The following FAM169A variants were observed in gnomAD, a reference collection of about 807,000 sequenced individuals.
FAM169A encodes the protein soluble lamin-associated protein of 75 kDa.
A neutral mutation model predicts 75.7 loss-of-function variants in FAM169A; 24 were observed. The observed-to-expected ratio is 0.32, with a 90% confidence interval of 0.23 to 0.45. The LOEUF (loss-of-function observed/expected upper bound fraction) is 0.45, where lower values mean the gene tolerates loss of function less well. Ranked by LOEUF, FAM169A falls within the 20% of genes least tolerant of loss-of-function variation. FAM169A has a pLI of 1.00. For missense variants in FAM169A, 673 were observed against 784.0 expected, an observed-to-expected ratio of 0.86 and a Z score of 1.69; for synonymous variants, 271 against 271.0, an observed-to-expected ratio of 1.00 and a Z score of 0.00.
chr5:74,839,849 A>G (rs1188877915), intron 3 of FAM169A, among the ~76,000 whole-genome samples: 1 of 152,062 alleles, frequency 6.6e-6, no homozygotes, highest in African/African-American at 2.4e-5. Context: ...ATCTCTTTCT[A>G]TTATAAATTA....
chr5:74,835,270 C>A (rs1748513031), intron 4 of FAM169A, among the ~76,000 whole-genome samples: 1 of 152,102 alleles, frequency 6.6e-6, no homozygotes, highest in African/African-American at 2.4e-5. Flanking sequence ...AGGGACCGCA[C>A]CAACACTCAG....
upstream of FAM169A, chr5:74,866,964 T>A (rs1580188266): frequency 3.0e-6 from 3 of 984,084 alleles, no homozygotes; most frequent in East Asian, 3.4e-4. Context: ...GCTTTCACAG[T>A]CTACAGAAGT....
chr5:74,843,671 T>C (rs2112684273), intron 1 of FAM169A, among the ~76,000 whole-genome samples: 1 of 152,346 alleles, frequency 6.6e-6, no homozygotes, highest in East Asian at 1.9e-4. Context: ...AATCATTCAG[T>C]ATGCTCTTTA....
chr5:74,806,659 GAACTTA>G (rs1746901072), intron 6 of FAM169A, among the ~76,000 whole-genome samples: 2 of 152,130 alleles, frequency 1.3e-5, no homozygotes, highest in Admixed American at 1.3e-4. Context: ...CTGAGGAACT[GAACTTA>G]AACTTATATT....
At position 74,779,825 on chromosome 5, in the gene FAM169A, A is replaced by G. The variant is rs746530218; in HGVS notation, c.*1635T>C. 1.3e-5 allele frequency: 2 copies of G among 152,220 alleles called. No homozygotes were observed. The highest frequency in any genetic ancestry group is 2.9e-5 in the Non-Finnish European group (2 of 68,030). The allele number at this position is 152,220 out of a possible 1,614,324, so 9.4% of individuals were successfully genotyped here. On this transcript the variant is annotated 3_prime_UTR_variant, in exon 13 of 13. Transcript: ENST00000687041. Reference sequence around the variant, plus strand: ...GATTTTAACTTGATCGAAAATACCAACATCCCCAAACAAAATTTACTGACC... The same window carrying G: ...GATTTTAACTTGATCGAAAATACCAGCATCCCCAAACAAAATTTACTGACC...
intron 5 of FAM169A, among the ~76,000 whole-genome samples, chr5:74,827,553 TTATTA>T (rs1293411509): frequency 2.0e-5 from 3 of 152,030 alleles, no homozygotes; most frequent in Non-Finnish European, 2.9e-5. Context: ...ATTATTATAA[TTATTA>T]TATTAGTATA....
intron 5 of FAM169A, among the ~76,000 whole-genome samples, chr5:74,831,573 C>T (rs1748311623): frequency 6.6e-6 from 1 of 152,104 alleles, no homozygotes; most frequent in Admixed American, 6.5e-5. Flanking sequence ...TGTTGGGCAA[C>T]CCTAATCCAA....
In FAM169A at chr5:74,777,784, A is replaced by C. The variant is rs2112433236; in HGVS notation, c.*3676T>G. 1 of 152,214 alleles carries C rather than the reference A, an allele frequency of 6.6e-6. No homozygotes were observed. The highest frequency in any genetic ancestry group is 1.9e-4 in the East Asian group (1 of 5,186). The allele number at this position is 152,214 out of a possible 1,614,324, so 9.4% of individuals were successfully genotyped here. ...GTTTAATTACTACTTTTAAACTTAA[A>C]AAAAAATAAAAACCAAGAAAACAAA... On this transcript the variant is annotated 3_prime_UTR_variant, in exon 13 of 13. Coordinates refer to ENST00000687041, the MANE Select transcript of FAM169A (RefSeq NM_001376049.1).
intron 6 of FAM169A, among the ~76,000 whole-genome samples, chr5:74,805,529 T>TC (rs1341688403): frequency 7.4e-6 from 1 of 134,260 alleles, no homozygotes; most frequent in Non-Finnish European, 1.6e-5. Context: ...CTTCGCTTTT[T>TC]TTTTTTTTTT....
chr5:74,841,572 T>C lies in FAM169A; in HGVS notation c.105A>G (p.Pro35=), dbSNP rs1056234559. 2 of 1,613,110 alleles carry C rather than the reference T, an allele frequency of 1.2e-6. No homozygotes were observed. The highest frequency in any genetic ancestry group is 1.7e-6 in the Non-Finnish European group (2 of 1,179,428). Residue 35 remains proline, a synonymous_variant, in exon 2 of 13, where the codon CCA becomes CCG. Coordinates refer to ENST00000687041, the MANE Select transcript of FAM169A (RefSeq NM_001376049.1). ...TAATATTGAGAAGAGAAAAACACTC[T>C]GGATTTTCAGGGTCCCCACACCTTA... ...SDLRCGDPEN[P]ECFSLLNITI...
At chr5:74,834,772 T>G (rs553410482) in intron 4 of FAM169A, among the ~76,000 whole-genome samples, 175 bp from the exon 5 acceptor site, 2 of 152,278 alleles carry the variant, frequency 1.3e-5, no homozygotes, top group South Asian at 4.2e-4. Flanking sequence ...ATCATTCACA[T>G]AGATTACAAT....
Position 74,791,598 on chromosome 5 carries a change from C to G in FAM169A, c.1260+4432G>C, listed in dbSNP as rs188959108. ...CCCAGACTATCAAGATGAAATCAGT[C>G]TACTACTCCACAATGGAGGTAAGGA... On this transcript the variant is annotated intron_variant, in intron 11 of 12. Coordinates refer to ENST00000687041, the MANE Select transcript of FAM169A (RefSeq NM_001376049.1). 7.6e-4 allele frequency among the ~76,000 whole-genome samples: 116 copies of G among 152,276 alleles called. No homozygotes were observed. The South Asian group carries it at 0.011, about 14-fold the overall frequency.
At chr5:74,817,129 C>G (rs575468365) in intron 5 of FAM169A, among the ~76,000 whole-genome samples, 3 of 151,866 alleles carry the variant, frequency 2.0e-5, no homozygotes, top group Non-Finnish European at 4.4e-5. Flanking sequence ...CTCCTAAGAT[C>G]AGGAAAAAGA....
chr5:74,810,008 C>T (rs1369910714), intron 6 of FAM169A, among the ~76,000 whole-genome samples: 3 of 152,086 alleles, frequency 2.0e-5, no homozygotes, highest in Admixed American at 2.0e-4. Context: ...TGAAAACAAA[C>T]GTCCATCATA....
At chr5:74,842,420 C>CAAAAAAAAAAAAAAAAAAA in intron 1 of FAM169A, among the ~76,000 whole-genome samples, 1 of 22,462 alleles carries the variant, frequency 4.5e-5, no homozygotes, top group Non-Finnish European at 7.7e-5. Flanking sequence ...GACTCTATCA[C>CAAAAAAAAAAAAAAAAAAA]AAAAAAAAAA....
intron 4 of FAM169A, among the ~76,000 whole-genome samples, chr5:74,835,675 C>T (rs1274627420): frequency 6.6e-6 from 1 of 150,960 alleles, no homozygotes; most frequent in African/African-American, 2.4e-5. Flanking sequence ...CAAGTTCAGG[C>T]TCTAATTAGT....
intron 7 of FAM169A, among the ~76,000 whole-genome samples, 166 bp from the exon 8 acceptor site, chr5:74,804,771 C>T (rs147427887): frequency 7.8e-4 from 118 of 152,182 alleles, no homozygotes; most frequent in African/African-American, 2.7e-3. Context: ...TGCAACATTG[C>T]CATTATATAC....
rs544068870 is a variant in FAM169A, at chr5:74,784,844, G to A, written c.1261-1710C>T. ...TGAGGCAGAAGAATGGCGTGAACCC[G>A]GGAGGCGGAGTTTGCAGTGAGCCAA... On this transcript the variant is annotated intron_variant, in intron 11 of 12. Coordinates refer to ENST00000687041, the MANE Select transcript of FAM169A (RefSeq NM_001376049.1). Among the ~76,000 whole-genome samples the A allele has an allele frequency of 1.9e-3, 288 of 149,642 alleles. 2 individuals carry two copies. Among genetic ancestry groups the A allele is most frequent in the African/African-American group, 6.8e-3 (277 of 40,572 alleles).
At chr5:74,833,787 A>G (rs1268163025) in intron 5 of FAM169A, among the ~76,000 whole-genome samples, 2 of 152,228 alleles carry the variant, frequency 1.3e-5, no homozygotes, top group East Asian at 3.8e-4. Context: ...TAAGTAGGTT[A>G]GAGCTTCCTG....
Sources: gnomAD v4.1 joint callset for allele counts (sites outside exome capture counted in the v4.1 genomes callset) on GRCh38, gnomAD v4.1.1 for gene constraint, MANE v1.5 for transcripts, NCBI Gene and HGNC (gene_info 2026-07-23, HGNC 2026-07-21) for gene names.